FAR2: variants seen among roughly 807,000 people sequenced by gnomAD.
FAR2 encodes fatty acyl-CoA reductase 2.
A neutral mutation model predicts 56.0 loss-of-function variants in FAR2; 19 were observed. The ratio of observed to expected loss-of-function variants is 0.34; its 90% CI spans 0.24 to 0.50. The LOEUF is 0.50. FAR2 is among the 20% of genes least tolerant of loss of function. The probability of loss-of-function intolerance (pLI) is 0.98; values close to 1 mark genes in which losing one functional copy is unlikely to be tolerated. For missense variants in FAR2, 508 were observed against 642.2 expected (o/e 0.79, Z 2.26); for synonymous variants, 219 against 218.8 (o/e 1.00, Z -0.01).
chr12:29,332,893 ACCACACCTCTATG>A, intron 11 of FAR2, 166 bp downstream of exon 11: 1 of 720,366 alleles, frequency 1.4e-6, no homozygotes, highest in East Asian at 2.8e-5. Flanking sequence ...TTTAGACTTC[ACCACACCTCTATG>A]AGGCAAGTAT....
At chr12:29,164,109 C>G (rs1176268758) in intron 1 of FAR2, among the ~76,000 whole-genome samples, 1 of 152,146 alleles carries the variant, frequency 6.6e-6, no homozygotes, top group Non-Finnish European at 1.5e-5. Context: ...GAGCTCAACA[C>G]GTAATACAGT....
intron 1 of FAR2, among the ~76,000 whole-genome samples, chr12:29,240,090 A>G (rs1948002600): frequency 6.6e-6 from 1 of 152,208 alleles, no homozygotes; most frequent in African/African-American, 2.4e-5. Context: ...TATCAAAAAG[A>G]CAAATGTTTA....
intron 1 of FAR2, among the ~76,000 whole-genome samples, chr12:29,257,291 C>A (rs1948335549): frequency 6.6e-6 from 1 of 152,086 alleles, no homozygotes; most frequent in Non-Finnish European, 1.5e-5. Flanking sequence ...CTTGGAGAAC[C>A]TTTGTGTGGA....
intron 8 of FAR2, among the ~76,000 whole-genome samples, chr12:29,314,905 T>C (rs1323358189): frequency 2.0e-5 from 3 of 152,316 alleles, no homozygotes; most frequent in East Asian, 3.9e-4. Context: ...TGGAAAGTAA[T>C]TGTATGTTGC....
At position 29,233,943 on chromosome 12, in the gene FAR2, C is replaced by T. The variant is rs189158831; in HGVS notation, c.-38-36469C>T. Among the ~76,000 whole-genome samples the T allele has an allele frequency of 2.5e-3, 388 of 152,274 alleles. 4 individuals are homozygous for T. Among genetic ancestry groups the T allele is most frequent in the African/African-American group, 9.1e-3 (380 of 41,556 alleles). ...CTCCTTCAATGACTGCTAATTATGT[C>T]CCAGTTGTTGAAACTGATGGACATT... On this transcript the variant is annotated intron_variant, in intron 1 of 11. Coordinates refer to ENST00000536681, the MANE Select transcript of FAR2 (RefSeq NM_001271783.2).
intron 1 of FAR2, among the ~76,000 whole-genome samples, chr12:29,190,730 T>A (rs755649734): frequency 5.3e-5 from 8 of 152,056 alleles, no homozygotes; most frequent in Non-Finnish European, 1.2e-4. Flanking sequence ...CCCAAAGTGC[T>A]GGGATTACAG....
At chr12:29,266,421 G>A (rs1341799612) in intron 1 of FAR2, among the ~76,000 whole-genome samples, 2 of 152,124 alleles carry the variant, frequency 1.3e-5, no homozygotes, top group South Asian at 2.1e-4. Context: ...AACTTGACAT[G>A]TTCTCACTTA....
intron 1 of FAR2, among the ~76,000 whole-genome samples, chr12:29,185,930 T>C (rs191067623): frequency 6.6e-6 from 1 of 152,324 alleles, no homozygotes; most frequent in African/African-American, 2.4e-5. Flanking sequence ...TGTTCACATA[T>C]GATACGAGAT....
At chr12:29,258,046 C>T (rs562628192) in intron 1 of FAR2, among the ~76,000 whole-genome samples, 2 of 152,110 alleles carry the variant, frequency 1.3e-5, no homozygotes, top group South Asian at 2.1e-4. Flanking sequence ...TCTTTTCCAC[C>T]GATAAAAATC....
intron 10 of FAR2, among the ~76,000 whole-genome samples, chr12:29,330,372 A>G (rs1490951033): frequency 2.0e-5 from 3 of 152,136 alleles, no homozygotes; most frequent in African/African-American, 7.2e-5. Flanking sequence ...ATGATTTTTA[A>G]AAAGTTATTT....
At position 29,198,527 on chromosome 12, in the gene FAR2, T is replaced by G. The variant is rs560712856; in HGVS notation, c.-39+49120T>G. Among the ~76,000 whole-genome samples the G allele has an allele frequency of 3.3e-5, 5 of 152,020 alleles. No homozygotes were observed. In the South Asian group the frequency reaches 1.0e-3, roughly 32 times the overall value. On this transcript the variant is annotated intron_variant, in intron 1 of 11. Transcript: ENST00000536681. The stretch of plus-strand genomic sequence containing the variant: ...CAGGTGTGAGCCACCGCGCCTGGCC[T>G]CTCCCATTATTCTTTTACATTTAAA...
intron 1 of FAR2, among the ~76,000 whole-genome samples, chr12:29,269,305 G>T (rs1487566761): frequency 6.6e-6 from 1 of 152,140 alleles, no homozygotes; most frequent in Admixed American, 6.5e-5. Context: ...TCTCCCATTT[G>T]CTTTTGAAAG....
In FAR2 at chr12:29,269,206, T is replaced by TG. The variant is rs991395418; in HGVS notation, c.-38-1199dup. ...TTGACCATAAAAGACAGGTGCACCT[T>TG]GGGGGGGCCGTTCATAGGCCTATAC... is the stretch of plus-strand genomic sequence containing the variant. On this transcript the variant is annotated intron_variant, in intron 1 of 11. Coordinates refer to ENST00000536681, the MANE Select transcript of FAR2 (RefSeq NM_001271783.2). Among the ~76,000 whole-genome samples, 12 of 151,948 alleles carry TG rather than the reference T, an allele frequency of 7.9e-5. No individual in the cohort carries two copies. In the South Asian group the frequency reaches 1.0e-3, roughly 13 times the overall value.
chr12:29,264,003 A>G (rs2136697240), intron 1 of FAR2, among the ~76,000 whole-genome samples: 1 of 152,250 alleles, frequency 6.6e-6, no homozygotes, highest in Admixed American at 6.5e-5. Context: ...AAGACACATC[A>G]AAGGAATAAA....
At chr12:29,263,432 G>T (rs1373139041) in intron 1 of FAR2, among the ~76,000 whole-genome samples, 1 of 151,884 alleles carries the variant, frequency 6.6e-6, no homozygotes. Context: ...TTTAAAAAAT[G>T]GAAATAATAT....
intron 1 of FAR2, among the ~76,000 whole-genome samples, chr12:29,196,855 G>A (rs947918956): frequency 6.6e-6 from 1 of 152,156 alleles, no homozygotes; most frequent in Non-Finnish European, 1.5e-5. Context: ...TTTAAACTAT[G>A]CATGTAACAG....
chr12:29,284,341 C>T (rs1380333824), intron 2 of FAR2, among the ~76,000 whole-genome samples: 1 of 152,140 alleles, frequency 6.6e-6, no homozygotes, highest in Non-Finnish European at 1.5e-5. Flanking sequence ...GTTGAGAATT[C>T]CTCATCCGAG....
intron 1 of FAR2, among the ~76,000 whole-genome samples, chr12:29,259,341 T>C (rs1263748326): frequency 6.6e-6 from 1 of 152,156 alleles, no homozygotes; most frequent in Non-Finnish European, 1.5e-5. Flanking sequence ...TGGCCCAAAA[T>C]GTCAATAGTG....
intron 2 of FAR2, among the ~76,000 whole-genome samples, chr12:29,291,822 G>A (rs898841781): frequency 2.6e-5 from 4 of 152,076 alleles, no homozygotes; most frequent in African/African-American, 9.7e-5. Flanking sequence ...TTCCTGACAG[G>A]GCAAGTCCTA....
Sources: allele counts gnomAD v4.1 joint callset (sites outside exome capture counted in the v4.1 genomes callset), GRCh38; gene constraint gnomAD v4.1.1; transcripts MANE v1.5; gene names NCBI Gene and HGNC (gene_info 2026-07-23, HGNC 2026-07-21).